PDZRN4: variants seen among roughly 807,000 people sequenced by gnomAD.
The protein encoded by PDZRN4 is PDZ domain containing ring finger 4.
PDZRN4 carries 70 observed loss-of-function variants against 99.0 expected under a neutral mutation model. That is an observed-to-expected ratio of 0.71 (90% confidence interval 0.58 to 0.86). PDZRN4 has a LOEUF of 0.86. Ranked by LOEUF, PDZRN4 falls within the 40% of genes least tolerant of loss-of-function variation. PDZRN4 has a pLI of 0.00. For missense variants in PDZRN4, 1,474 were observed against 1,331.2 expected, an observed-to-expected ratio of 1.11 and a Z score of -1.67; for synonymous variants, 551 against 501.6, an observed-to-expected ratio of 1.10 and a Z score of -1.32.
intron 3 of PDZRN4, among the ~76,000 whole-genome samples, chr12:41,443,024 CA>C (rs1952693703): frequency 6.6e-6 from 1 of 152,080 alleles, no homozygotes; most frequent in Admixed American, 6.6e-5. Flanking sequence ...TTGCTTTTAT[CA>C]ACTACTCAGC....
intron 3 of PDZRN4, among the ~76,000 whole-genome samples, chr12:41,273,361 G>A (rs1186137189): frequency 6.6e-6 from 1 of 152,052 alleles, no homozygotes; most frequent in Non-Finnish European, 1.5e-5. Context: ...GTTGTGGAGA[G>A]TGTCATGAAA....
At chr12:41,326,234 T>C (rs1489552969) in intron 3 of PDZRN4, among the ~76,000 whole-genome samples, 1 of 152,082 alleles carries the variant, frequency 6.6e-6, no homozygotes, top group Non-Finnish European at 1.5e-5. Flanking sequence ...CACCTTGGCC[T>C]TCCACAGTGC....
intron 3 of PDZRN4, among the ~76,000 whole-genome samples, chr12:41,474,722 TG>T (rs1953024145): frequency 6.6e-6 from 1 of 152,148 alleles, no homozygotes; most frequent in Admixed American, 6.5e-5. Flanking sequence ...CATTTTAATC[TG>T]AGATGACTGA....
intron 3 of PDZRN4, among the ~76,000 whole-genome samples, chr12:41,468,988 G>A (rs1025749979): frequency 3.4e-5 from 5 of 146,778 alleles, no homozygotes; most frequent in Non-Finnish European, 5.9e-5. Context: ...TAGCCTGGGC[G>A]ACAGAGCAAG....
chr12:41,218,401 T>C (rs1337734174), intron 3 of PDZRN4, among the ~76,000 whole-genome samples: 1 of 152,144 alleles, frequency 6.6e-6, no homozygotes, highest in Admixed American at 6.6e-5. Context: ...TCACTGACTA[T>C]GAACATTTTA....
chr12:41,504,170 G>T (rs903214360), intron 3 of PDZRN4, among the ~76,000 whole-genome samples: 9 of 152,196 alleles, frequency 5.9e-5, no homozygotes, highest in African/African-American at 2.2e-4. Flanking sequence ...TTGGGTGGCT[G>T]AGGCAGGAGA....
chr12:41,533,306 C>T (rs1938695021), intron 5 of PDZRN4, among the ~76,000 whole-genome samples: 1 of 151,954 alleles, frequency 6.6e-6, no homozygotes, highest in African/African-American at 2.4e-5. Flanking sequence ...TCCTGAGTAG[C>T]TGGGATTACA....
At chr12:41,481,380 C>A (rs528600958) in intron 3 of PDZRN4, among the ~76,000 whole-genome samples, 1 of 152,246 alleles carries the variant, frequency 6.6e-6, no homozygotes. Context: ...AATGAAGCTA[C>A]ATATACTTCT....
chr12:41,328,655 GTTCT>G (rs2120987919), intron 3 of PDZRN4, among the ~76,000 whole-genome samples: 1 of 152,236 alleles, frequency 6.6e-6, no homozygotes, highest in East Asian at 1.9e-4. Flanking sequence ...AGGTGTCTAA[GTTCT>G]TTCTAAGAGC....
chr12:41,401,534 C>T lies in PDZRN4; in HGVS notation c.844-104922C>T, dbSNP rs571848891. Among the ~76,000 whole-genome samples, 15 of 152,252 alleles carry T rather than the reference C, an allele frequency of 9.9e-5. No homozygotes were observed. In the South Asian group the frequency reaches 3.1e-3, roughly 32 times the overall value. ...CCTCAGAATCTTCCTCAGTTTCTTC[C>T]TCGCTTGCCTCAACCTTTTTCACCG... On this transcript the variant is annotated intron_variant, in intron 3 of 9. Coordinates refer to ENST00000402685, the MANE Select transcript of PDZRN4 (RefSeq NM_001164595.2).
Position 41,523,183 on chromosome 12 carries a change from G to A in PDZRN4, c.1203+13270G>A, listed in dbSNP as rs566593370. On this transcript the variant is annotated intron_variant, in intron 5 of 9. Coordinates refer to ENST00000402685, the MANE Select transcript of PDZRN4 (RefSeq NM_001164595.2). Reference sequence around the variant, plus strand: ...ATTAAATGTGATAATATATGAGAACGTGTAGTCCTGACTGGCACATACATG... The same window carrying A: ...ATTAAATGTGATAATATATGAGAACATGTAGTCCTGACTGGCACATACATG... Among the ~76,000 whole-genome samples the A allele has an allele frequency of 2.7e-3, 412 of 152,146 alleles. 2 individuals carry two copies. The highest frequency in any genetic ancestry group is 4.3e-3 in the Non-Finnish European group (291 of 67,978).
At chr12:41,343,913 G>T (rs1403238434) in intron 3 of PDZRN4, among the ~76,000 whole-genome samples, 1 of 151,962 alleles carries the variant, frequency 6.6e-6, no homozygotes, top group African/African-American at 2.4e-5. Context: ...TTCAATTTAT[G>T]TAAAGATATC....
chr12:41,333,818 T>G (rs2120998991), intron 3 of PDZRN4, among the ~76,000 whole-genome samples: 1 of 152,270 alleles, frequency 6.6e-6, no homozygotes, highest in African/African-American at 2.4e-5. Context: ...TTGTGGGGTT[T>G]ATCATATTTA....
chr12:41,286,734 C>T (rs12307937), intron 3 of PDZRN4, among the ~76,000 whole-genome samples: 12,177 of 152,132 alleles, frequency 0.08, 637 homozygotes, highest in African/African-American at 0.14. Flanking sequence ...TTGCAGAAGA[C>T]CCATAGGGCA....
intron 3 of PDZRN4, among the ~76,000 whole-genome samples, chr12:41,446,053 G>A (rs1387229775): frequency 6.7e-6 from 1 of 150,218 alleles, no homozygotes; most frequent in African/African-American, 2.4e-5. Flanking sequence ...ATACTTTATT[G>A]CTTCCCTCAA....
chr12:41,225,147 G>T (rs1044480494), intron 3 of PDZRN4, among the ~76,000 whole-genome samples: 17 of 152,046 alleles, frequency 1.1e-4, no homozygotes, highest in African/African-American at 3.9e-4. Context: ...TTTTTATCAA[G>T]AAATAGTACA....
chr12:41,553,160 C>T (rs375707275), intron 6 of PDZRN4, among the ~76,000 whole-genome samples: 5 of 152,196 alleles, frequency 3.3e-5, no homozygotes, highest in Admixed American at 2.6e-4. Context: ...ACAATAATCA[C>T]ATCTTTTACT....
At chr12:41,352,408 G>A (rs1346078875) in intron 3 of PDZRN4, among the ~76,000 whole-genome samples, 1 of 152,108 alleles carries the variant, frequency 6.6e-6, no homozygotes, top group Non-Finnish European at 1.5e-5. Context: ...ATTTATTTGG[G>A]TGACTGGCAG....
At chr12:41,514,389 A>G (rs1938361621) in intron 5 of PDZRN4, among the ~76,000 whole-genome samples, 1 of 152,096 alleles carries the variant, frequency 6.6e-6, no homozygotes, top group Non-Finnish European at 1.5e-5. Context: ...TCTTACATAA[A>G]GAAAAGAGAA....
Sources: gnomAD v4.1 joint callset for allele counts (sites outside exome capture counted in the v4.1 genomes callset) on GRCh38, gnomAD v4.1.1 for gene constraint, MANE v1.5 for transcripts, NCBI Gene and HGNC (gene_info 2026-07-23, HGNC 2026-07-21) for gene names.